CD55: variants seen among roughly 807,000 people sequenced by gnomAD.
The protein encoded by CD55 is CD55 molecule (Cromer blood group).
Under a neutral mutation model 45.8 loss-of-function variants are expected in CD55, and 41 were observed. The observed-to-expected ratio is 0.90, with a 90% confidence interval of 0.70 to 1.16. The LOEUF is 1.16. Ranked by LOEUF, CD55 falls within the 50% of genes most tolerant of loss-of-function variation. CD55 has a pLI of 0.00. For synonymous variants in CD55, 181 were observed against 181.1 expected, an observed-to-expected ratio of 1.00 and a Z score of 0.01; for missense variants, 416 against 469.8, an observed-to-expected ratio of 0.89 and a Z score of 1.06.
At chr1:207,334,754 G>A (rs12075906) in intron 6 of CD55, among the ~76,000 whole-genome samples, 4 of 15,452 alleles carry the variant, frequency 2.6e-4, no homozygotes, top group South Asian at 1.1e-3. Context: ...AAAAGAGAAC[G>A]AGAGAGAGAG....
At chr1:207,326,529 A>C (rs1654689517) in intron 4 of CD55, among the ~76,000 whole-genome samples, 1 of 152,248 alleles carries the variant, frequency 6.6e-6, no homozygotes, top group Admixed American at 6.5e-5. Context: ...TTCCCCATGC[A>C]AATAAAAAAT....
Position 207,325,655 on chromosome 1 carries a change from A to G in CD55, c.512A>G (p.Asn171Ser), listed in dbSNP as rs772957291. The change falls in exon 4 of 10, where the codon AAT becomes AGT. Residue 171 changes from asparagine (N) to serine (S), a missense_variant. Physicochemically the swap from Asn to Ser is conservative, Grantham distance 46 (BLOSUM62 1). Coordinates refer to ENST00000367064, the MANE Select transcript of CD55 (RefSeq NM_000574.5). ...KSCPNPGEIR[N>S]GQIDVPGGIL... is the part of the protein sequence containing the mutation. ...TGCCCTAATCCGGGAGAAATACGAA[A>G]TGGTCAGATTGATGTACCAGGTGGC... 15 of 1,610,270 alleles carry G rather than the reference A, an allele frequency of 9.3e-6. No individual in the cohort carries two copies. The highest frequency in any genetic ancestry group is 8.0e-5 in the African/African-American group (6 of 74,842).
chr1:207,358,537 C>A (rs1041104305), intron 9 of CD55: 1 of 152,142 alleles, frequency 6.6e-6, no homozygotes, highest in African/African-American at 2.4e-5. Context: ...CACATGAGAG[C>A]AACAAAGTAC....
At chr1:207,345,932 A>G (rs1005908299) in intron 9 of CD55, among the ~76,000 whole-genome samples, 12 of 152,216 alleles carry the variant, frequency 7.9e-5, no homozygotes, top group African/African-American at 1.2e-4. Flanking sequence ...ATGTGGGCCA[A>G]TGTTCGGACC....
At chr1:207,350,733 G>T (rs1655835662) in intron 9 of CD55, among the ~76,000 whole-genome samples, 2 of 151,774 alleles carry the variant, frequency 1.3e-5, no homozygotes, top group Admixed American at 1.3e-4. Flanking sequence ...TGTTTATTTG[G>T]ATGTTCTCTC....
chr1:207,339,320 A>T, intron 8 of CD55, 77 bp from the exon 9 acceptor site: 1 of 971,902 alleles, frequency 1.0e-6, no homozygotes. Context: ...GTTTATTGAT[A>T]GTATATGAAA....
At chr1:207,324,442 T>C in intron 2 of CD55, 117 bp from the exon 3 acceptor site, 1 of 580,706 alleles carries the variant, frequency 1.7e-6, no homozygotes, top group Non-Finnish European at 2.9e-6. Context: ...AGTTAAGTAC[T>C]AAATATGCGC....
In CD55 at chr1:207,331,117, G is replaced by T; in HGVS notation, c.674G>T (p.Cys225Phe). 1 of 1,610,108 alleles carries T rather than the reference G, an allele frequency of 6.2e-7. No homozygotes were observed. The highest frequency in any genetic ancestry group is 8.5e-7 in the Non-Finnish European group (1 of 1,177,846). Residue 225 changes from cysteine to phenylalanine, a missense_variant, in exon 6 of 10, where the codon TGT becomes TTT. Cys to Phe is a radical substitution (Grantham distance 205). This residue lies in a region of CD55 where 182 missense variants were observed against 201.4 expected (regional missense o/e 0.90). Transcript: ENST00000367064. ...DPLPECREIYCPAPPQIDNGI... is the reference protein window; with the variant it reads ...DPLPECREIYFPAPPQIDNGI... Reference sequence around the variant, plus strand: ...GGAATTGTTTTTTAAGAAATTTATTGTCCAGCACCACCACAAATTGACAAT... The same window carrying T: ...GGAATTGTTTTTTAAGAAATTTATTTTCCAGCACCACCACAAATTGACAAT...
At position 207,322,411 on chromosome 1, in the gene CD55, A is replaced by C; in HGVS notation, c.130A>C (p.Asn44His). ...GDCGLPPDVPNAQPALEGRTS... is the reference protein window; with the variant it reads ...GDCGLPPDVPHAQPALEGRTS... ...CTGTGGCCTTCCCCCAGATGTACCTAATGCCCAGCCAGCTTTGGAAGGCCG... is the reference window on the plus strand; with the variant it reads ...CTGTGGCCTTCCCCCAGATGTACCTCATGCCCAGCCAGCTTTGGAAGGCCG... The change falls in exon 2 of 10, where the codon AAT becomes CAT. Residue 44 changes from asparagine to histidine, a missense_variant. Asn to His is a moderately conservative substitution (Grantham distance 68, BLOSUM62 1). This residue lies in a region of CD55 where 123 missense variants were observed against 105.1 expected (regional missense o/e 1.17). Transcript: ENST00000367064. 6.2e-7 allele frequency: 1 copy of C among 1,614,160 alleles called. No individual in the cohort carries two copies. Among genetic ancestry groups the C allele is most frequent in the East Asian group, 2.2e-5 (1 of 44,882 alleles).
chr1:207,337,652 A>AG (rs1157253337), intron 8 of CD55: 2 of 356,848 alleles, frequency 5.6e-6, no homozygotes, highest in Non-Finnish European at 1.0e-5. Context: ...TGCTAAATTA[A>AG]GATTGGTAAA....
rs1656246382 is a variant in CD55 at position 207,360,284 on chromosome 1, A to T, written c.*674A>T. 1 of 152,200 alleles carries T rather than the reference A, an allele frequency of 6.6e-6. No individual in the cohort carries two copies. The highest frequency in any genetic ancestry group is 2.1e-4 in the South Asian group (1 of 4,830). The allele number at this position is 152,200 out of a possible 1,614,324, so 9.4% of individuals were successfully genotyped here. A position where few individuals can be genotyped will look rare whatever the true frequency, so the allele number is the denominator to read the frequency against. ...ACTTAATGTCTTTAAAAGTATCCAG[A>T]GATACTACAATATTAACATAAGAAA... On this transcript the variant is annotated 3_prime_UTR_variant, in exon 10 of 10. Coordinates refer to ENST00000367064, the MANE Select transcript of CD55 (RefSeq NM_000574.5).
At chr1:207,354,368 C>A in intron 9 of CD55, 1 of 397,740 alleles carries the variant, frequency 2.5e-6, no homozygotes, top group Non-Finnish European at 3.4e-6. Context: ...TAAACACTTT[C>A]TACTGTTTGC....
chr1:207,332,622 T>A (rs1654999336), intron 6 of CD55, among the ~76,000 whole-genome samples: 1 of 152,206 alleles, frequency 6.6e-6, no homozygotes, highest in African/African-American at 2.4e-5. Context: ...TGTGCTTTTT[T>A]AATTTGGCCA....
At chr1:207,359,068 G>A (rs1656184595) in intron 9 of CD55, among the ~76,000 whole-genome samples, 1 of 151,966 alleles carries the variant, frequency 6.6e-6, no homozygotes, top group South Asian at 2.1e-4. Flanking sequence ...CCTTTTATAG[G>A]TCATGTTTAT....
At chr1:207,346,882 C>G (rs932975209) in intron 9 of CD55, among the ~76,000 whole-genome samples, 3 of 152,114 alleles carry the variant, frequency 2.0e-5, no homozygotes, top group Non-Finnish European at 2.9e-5. Context: ...CTAGAGCCTA[C>G]GAGAATCAAG....
At chr1:207,331,061 C>T in intron 5 of CD55, 47 bp from the exon 6 acceptor site, 2 of 1,267,534 alleles carry the variant, frequency 1.6e-6, no homozygotes, top group African/African-American at 1.5e-5. Context: ...TGTAAAAATA[C>T]TTTACTAGTT....
chr1:207,342,207 A>G (rs960103418), intron 9 of CD55, among the ~76,000 whole-genome samples: 3 of 152,126 alleles, frequency 2.0e-5, no homozygotes, highest in Non-Finnish European at 2.9e-5. Flanking sequence ...GACTTCCTCT[A>G]TTCCAGTTTG....
Position 207,333,998 on chromosome 1 carries a change from T to TA in CD55, c.854-2694dup, listed in dbSNP as rs376839959. 4.1e-3 allele frequency among the ~76,000 whole-genome samples: 632 copies of TA among 152,290 alleles called. 5 individuals carry two copies. The highest frequency in any genetic ancestry group is 0.014 in the African/African-American group (598 of 41,574). ...GGAGCAGAAGAAATATTTAAAATGA[T>TA]ACTTACTCAGAATTTTCCAAAACTG... On this transcript the variant is annotated intron_variant, in intron 6 of 9. Coordinates refer to ENST00000367064, the MANE Select transcript of CD55 (RefSeq NM_000574.5).
intron 9 of CD55, among the ~76,000 whole-genome samples, chr1:207,357,577 A>AGGGGGGGGGGGGGGGGGGGGG (rs1656125421): frequency 5.1e-4 from 1 of 1,976 alleles, no homozygotes; most frequent in Non-Finnish European, 1.1e-3. Context: ...GGGAGGGCGG[A>AGGGGGGGGGGGGGGGGGGGGG]GGGCGGGCGG....
Sources: allele counts gnomAD v4.1 joint callset (sites outside exome capture counted in the v4.1 genomes callset), GRCh38; gene constraint gnomAD v4.1.1; regional missense constraint gnomAD v4.1.1; transcripts MANE v1.5; gene names NCBI Gene and HGNC (gene_info 2026-07-23, HGNC 2026-07-21).